NETO1: variants seen among roughly 807,000 people sequenced by gnomAD.
The protein encoded by NETO1 is neuropilin and tolloid-like protein 1.
NETO1 carries 26 observed loss-of-function variants against 61.3 expected under a neutral mutation model. That is an observed-to-expected ratio of 0.42 (90% CI 0.31 to 0.59). The LOEUF is 0.59. Among genes scored for constraint, NETO1 ranks in the 20% least tolerant of loss-of-function variants. NETO1 has a pLI of 0.12. For missense variants in NETO1, 531 were observed against 662.8 expected (o/e 0.80, Z 2.18); for synonymous variants, 225 against 225.8 (o/e 1.00, Z 0.03).
chr18:72,850,985 G>T (rs993758043), intron 4 of NETO1, among the ~76,000 whole-genome samples: 1 of 152,176 alleles, frequency 6.6e-6, no homozygotes, highest in Non-Finnish European at 1.5e-5. Flanking sequence ...TTTCTGTGCT[G>T]CAACTGAGTG....
In NETO1 at chr18:72,859,054, C is replaced by A; in HGVS notation, c.241G>T (p.Glu81Ter). 6.2e-7 allele frequency: 1 copy of A among 1,612,874 alleles called. No individual in the cohort carries two copies. Among genetic ancestry groups the A allele is most frequent in the South Asian group, 1.1e-5 (1 of 90,768 alleles). The change falls in exon 4 of 11, where the codon GAA becomes TAA. Residue 81 changes from glutamate to a stop codon, truncating the protein, a stop_gained. Coordinates refer to ENST00000327305, the MANE Select transcript of NETO1 (RefSeq NM_138966.5). LOFTEE classifies it high-confidence loss of function. ...GAGTACTTTTCATCAAAGTAAAGTT[C>A]AATGCACTGTCTTGGAGCGGCTGTA... ...IIEAAPRQCI[E>*]LYFDEKYSIE...
chr18:72,802,090 G>C (rs902022354), intron 4 of NETO1, among the ~76,000 whole-genome samples: 3 of 150,918 alleles, frequency 2.0e-5, no homozygotes, highest in African/African-American at 7.3e-5. Flanking sequence ...ATAGGACTTA[G>C]AAAAATAGGC....
chr18:72,759,469 C>T (rs2070898905), intron 7 of NETO1, among the ~76,000 whole-genome samples: 1 of 152,084 alleles, frequency 6.6e-6, no homozygotes, highest in Non-Finnish European at 1.5e-5. Context: ...GCTTACTAGG[C>T]TTGTAGTAAA....
chr18:72,776,120 C>A lies in NETO1; in HGVS notation c.868+7558G>T, dbSNP rs76432126. Among the ~76,000 whole-genome samples the A allele has an allele frequency of 1.4e-4, 21 of 152,256 alleles. No homozygotes were observed. The East Asian group carries it at 4.1e-3, about 29-fold the overall frequency. The stretch of plus-strand genomic sequence containing the variant: ...GAGAAGTTCAAGGGCATGGCCCTGG[C>A]TTTGGGCGAGGGATCTCATGCTTTG... On this transcript the variant is annotated intron_variant, in intron 7 of 10. Coordinates refer to ENST00000327305, the MANE Select transcript of NETO1 (RefSeq NM_138966.5).
chr18:72,750,714 T>A, intron 8 of NETO1, 94 bp from the exon 9 acceptor site: 3 of 864,276 alleles, frequency 3.5e-6, no homozygotes, highest in Non-Finnish European at 5.1e-6. Context: ...ATTAAAAACT[T>A]AAAGTAAAGC....
Position 72,800,691 on chromosome 18 carries a change from C to T in NETO1, c.470-6287G>A, listed in dbSNP as rs528933635. 3.9e-5 allele frequency among the ~76,000 whole-genome samples: 6 copies of T among 152,256 alleles called. No individual in the cohort carries two copies. The East Asian group carries it at 9.7e-4, about 25-fold the overall frequency. ...AAAAATTGTCTTCCACAAAACCGGT[C>T]CCTGGTGCTAAAAATGTGCTATAAG... On this transcript the variant is annotated intron_variant, in intron 4 of 10. Coordinates refer to ENST00000327305, the MANE Select transcript of NETO1 (RefSeq NM_138966.5).
intron 4 of NETO1, among the ~76,000 whole-genome samples, chr18:72,824,042 T>C (rs1228693704): frequency 6.6e-6 from 1 of 152,216 alleles, no homozygotes; most frequent in Admixed American, 6.5e-5. Context: ...GAAAATAGTG[T>C]TGGGAACAAG....
intron 4 of NETO1, among the ~76,000 whole-genome samples, chr18:72,818,171 T>C (rs913153755): frequency 1.3e-5 from 2 of 152,202 alleles, no homozygotes; most frequent in Admixed American, 6.5e-5. Context: ...ACTAAGATAC[T>C]TACACATAGA....
intron 6 of NETO1, among the ~76,000 whole-genome samples, chr18:72,790,870 A>G (rs564234457): frequency 6.6e-6 from 1 of 152,128 alleles, no homozygotes; most frequent in Non-Finnish European, 1.5e-5. Flanking sequence ...GGCACTGGGT[A>G]TCTGGAGATA....
At chr18:72,766,779 A>G (rs1488251121) in intron 7 of NETO1, among the ~76,000 whole-genome samples, 4 of 134,288 alleles carry the variant, frequency 3.0e-5, no homozygotes, top group Non-Finnish European at 7.0e-5. Context: ...TACATTCCAT[A>G]TATAAAAAAT....
intron 4 of NETO1, among the ~76,000 whole-genome samples, chr18:72,823,387 AG>A (rs1156529272): frequency 3.9e-5 from 6 of 152,100 alleles, no homozygotes; most frequent in Admixed American, 3.9e-4. Context: ...TGAGCGGAGC[AG>A]GGGAAGGCAG....
At chr18:72,761,478 A>T (rs2070970476) in intron 7 of NETO1, among the ~76,000 whole-genome samples, 1 of 151,986 alleles carries the variant, frequency 6.6e-6, no homozygotes, top group South Asian at 2.1e-4. Context: ...CTCTTTTTTT[A>T]ACAGTTTAAT....
At chr18:72,865,752 T>C in intron 1 of NETO1, 1 of 1,426,338 alleles carries the variant, frequency 7.0e-7, no homozygotes, top group South Asian at 1.4e-5. Flanking sequence ...AGGAGGAGAA[T>C]AAGCAAGAAA....
At chr18:72,824,299 T>C (rs2073305105) in intron 4 of NETO1, among the ~76,000 whole-genome samples, 1 of 152,210 alleles carries the variant, frequency 6.6e-6, no homozygotes, top group African/African-American at 2.4e-5. Flanking sequence ...GCAGGTAAAC[T>C]TCATTTCTAG....
At position 72,796,282 on chromosome 18, in the gene NETO1, GT is replaced by G. The variant is rs572285792; in HGVS notation, c.470-1879del. On this transcript the variant is annotated intron_variant, in intron 4 of 10. Transcript: ENST00000327305. ...GTTAGTTTAGTTATCTTCATTAAAG[GT>G]TTTGTTGTTGTTGTTGTTTGCTTCT... 2.6e-3 allele frequency among the ~76,000 whole-genome samples: 398 copies of G among 152,136 alleles called. 5 individuals are homozygous for G. Among genetic ancestry groups the G allele is most frequent in the African/African-American group, 9.3e-3 (386 of 41,532 alleles).
intron 4 of NETO1, among the ~76,000 whole-genome samples, chr18:72,812,304 A>C (rs116123369): frequency 1.9e-4 from 29 of 152,346 alleles, no homozygotes; most frequent in African/African-American, 6.7e-4. Context: ...GGACTTAATA[A>C]ACCTCCAAAA....
At chr18:72,837,533 T>C (rs546845727) in intron 4 of NETO1, among the ~76,000 whole-genome samples, 59 of 152,276 alleles carry the variant, frequency 3.9e-4, no homozygotes, top group African/African-American at 9.9e-4. Flanking sequence ...CAACACAAGA[T>C]GGAAATTTTT....
At chr18:72,826,447 T>C (rs1385786966) in intron 4 of NETO1, among the ~76,000 whole-genome samples, 1 of 152,202 alleles carries the variant, frequency 6.6e-6, no homozygotes, top group Non-Finnish European at 1.5e-5. Flanking sequence ...TCTTTTCTCG[T>C]GTTTTTTTAA....
chr18:72,815,564 TTAA>T (rs1254750815), intron 4 of NETO1, among the ~76,000 whole-genome samples: 1 of 152,154 alleles, frequency 6.6e-6, no homozygotes. Context: ...TTTAATCTTA[TTAA>T]TAATAAACAA....
Sources: allele counts gnomAD v4.1 joint callset (sites outside exome capture counted in the v4.1 genomes callset), GRCh38; gene constraint gnomAD v4.1.1; transcripts MANE v1.5; gene names NCBI Gene and HGNC (gene_info 2026-07-23, HGNC 2026-07-21).